LRTM1: variants seen among roughly 807,000 people sequenced by gnomAD.
LRTM1 encodes the protein leucine-rich repeat and transmembrane domain-containing protein 1.
LRTM1 carries 38 observed loss-of-function variants against 32.4 expected under a neutral mutation model. The observed-to-expected ratio is 1.17, with a 90% CI of 0.91 to 1.54. The LOEUF (loss-of-function observed/expected upper bound fraction) is 1.54. Ranked by LOEUF, LRTM1 falls within the 40% of genes most tolerant of loss-of-function variation. LRTM1 has a pLI of 0.00. For synonymous variants in LRTM1, 186 were observed against 169.9 expected, an observed-to-expected ratio of 1.09 and a Z score of -0.74; for missense variants, 466 against 415.4, an observed-to-expected ratio of 1.12 and a Z score of -1.06.
At chr3:54,928,394 G>A (rs528712896), upstream of LRTM1, among the ~76,000 whole-genome samples, 3 of 152,222 alleles carry the variant, frequency 2.0e-5, no homozygotes, top group East Asian at 3.9e-4. Flanking sequence ...TAACCATGCC[G>A]GGTCACCCCT....
At chr3:54,954,901 A>T (rs1701843878) in intron 1 of LRTM1, among the ~76,000 whole-genome samples, 1 of 152,172 alleles carries the variant, frequency 6.6e-6, no homozygotes, top group South Asian at 2.1e-4. Context: ...GGCGCCGATT[A>T]ACCTCCTTGT....
chr3:54,939,559 G>A (rs1415323372), intron 1 of LRTM1, among the ~76,000 whole-genome samples: 2 of 152,242 alleles, frequency 1.3e-5, no homozygotes, highest in South Asian at 4.1e-4. Context: ...TGTGGCCAGG[G>A]ATTGGGCAAA....
At chr3:54,942,244 A>T (rs1466968203) in intron 1 of LRTM1, among the ~76,000 whole-genome samples, 1 of 152,158 alleles carries the variant, frequency 6.6e-6, no homozygotes, top group Admixed American at 6.5e-5. Flanking sequence ...GTCCCTTGAA[A>T]GTCCCAGCAT....
intron 1 of LRTM1, among the ~76,000 whole-genome samples, chr3:54,941,048 G>C (rs752578056): frequency 1.3e-5 from 2 of 152,172 alleles, no homozygotes; most frequent in Non-Finnish European, 2.9e-5. Context: ...CTTTTCTCCA[G>C]TGATTAAAGC....
At position 54,918,618 on chromosome 3, in the gene LRTM1, G is replaced by T. The variant is rs1700736011; in HGVS notation, c.879C>A (p.Gly293=). 6.2e-7 allele frequency: 1 copy of T among 1,614,094 alleles called. No homozygotes were observed. Among genetic ancestry groups the T allele is most frequent in the Non-Finnish European group, 8.5e-7 (1 of 1,180,034 alleles). The part of the protein sequence containing the change: ...RHAIATVIIT[G]VVCGIVCLMM... ...TGAGACACACAATCCCACACACAACGCCAGTGATGATGACAGTGGCAATGG... is the reference window on the plus strand; with the variant it reads ...TGAGACACACAATCCCACACACAACTCCAGTGATGATGACAGTGGCAATGG... The change falls in exon 3 of 3, where the codon GGC becomes GGA. Residue 293 remains glycine, a synonymous_variant. Transcript: ENST00000273286.
rs2106940721 is a variant in LRTM1 at position 54,924,998 on chromosome 3, C to T, written c.225G>A (p.Trp75Ter). The T allele has an allele frequency of 6.2e-7, 1 of 1,614,002 alleles. No homozygotes were observed. The highest frequency in any genetic ancestry group is 2.2e-5 in the East Asian group (1 of 44,864). The change falls in exon 2 of 3, where the codon TGG becomes TGA. Residue 75 changes from tryptophan (W) to a stop codon, truncating the protein, a stop_gained. Coordinates refer to ENST00000273286, the MANE Select transcript of LRTM1 (RefSeq NM_020678.4). LOFTEE classifies it high-confidence loss of function. ...LPAFAFRSVP[W>*]LMTLNLSNNS... Reference sequence around the variant, plus strand: ...TGTTGGACAAGTTTAAGGTCATGAGCCATGGCACTGACCTAAATGCAAAAG... The same window carrying T: ...TGTTGGACAAGTTTAAGGTCATGAGTCATGGCACTGACCTAAATGCAAAAG...
rs546551508 is a variant in LRTM1, at chr3:54,923,306, G to T, written c.604+1313C>A. On this transcript the variant is annotated intron_variant, in intron 2 of 2. Coordinates refer to ENST00000273286, the MANE Select transcript of LRTM1 (RefSeq NM_020678.4). ...CTTCCTCTGCACTGGCCACTGTCTT[G>T]TCCCTCTTTTTGTCCTGCAGCCAAG... is the stretch of plus-strand genomic sequence containing the variant. 1.1e-4 allele frequency among the ~76,000 whole-genome samples: 17 copies of T among 152,136 alleles called. No homozygotes were observed. The East Asian group carries it at 3.1e-3, about 28-fold the overall frequency.
At chr3:54,957,167 T>C (rs199574509) in intron 1 of LRTM1, among the ~76,000 whole-genome samples, 1 of 2,350 alleles carries the variant, frequency 4.3e-4, no homozygotes, top group Admixed American at 5.6e-3. Flanking sequence ...AATAATTTTC[T>C]TTTTTTTTTT....
chr3:54,941,923 C>G (rs900710531), intron 1 of LRTM1, among the ~76,000 whole-genome samples: 4 of 152,218 alleles, frequency 2.6e-5, no homozygotes, highest in Non-Finnish European at 5.9e-5. Flanking sequence ...ATGGGATAAA[C>G]TTCAACCTCG....
rs200390121 is a variant in LRTM1, at chr3:54,918,580, G to A, written c.917C>T (p.Ala306Val). 34 of 1,614,002 alleles carry A rather than the reference G, an allele frequency of 2.1e-5. No individual in the cohort carries two copies. The highest frequency in any genetic ancestry group is 2.8e-5 in the Non-Finnish European group (33 of 1,180,008). ...CGIVCLMMLA[A>V]AIYGCTYAAI... ...CGCATAGGTGCAGCCATAGATGGCA[G>A]CTGCCAACATCATGAGACACACAAT... The change falls in exon 3 of 3, where the codon GCT becomes GTT. Residue 306 changes from alanine (A) to valine (V), a missense_variant. Physicochemically the swap from Ala to Val is moderately conservative, Grantham distance 64. Transcript: ENST00000273286.
chr3:54,939,896 A>T (rs1701423453), intron 1 of LRTM1, among the ~76,000 whole-genome samples: 1 of 152,234 alleles, frequency 6.6e-6, no homozygotes, highest in Admixed American at 6.5e-5. Context: ...CAGAGTCTGA[A>T]GATAGAGCAT....
intron 1 of LRTM1, among the ~76,000 whole-genome samples, chr3:54,953,227 C>A (rs574911120): frequency 6.6e-6 from 1 of 152,170 alleles, no homozygotes; most frequent in Admixed American, 6.5e-5. Flanking sequence ...GTGCATGACT[C>A]CTGTTCCCAT....
At chr3:54,924,147 G>A (rs1422576321) in intron 2 of LRTM1, among the ~76,000 whole-genome samples, 3 of 152,160 alleles carry the variant, frequency 2.0e-5, no homozygotes, top group African/African-American at 7.2e-5. Flanking sequence ...CAGTGACATT[G>A]GTGTTTGCTA....
chr3:54,933,808 C>T (rs1219999805), intron 1 of LRTM1, among the ~76,000 whole-genome samples: 1 of 150,558 alleles, frequency 6.6e-6, no homozygotes, highest in African/African-American at 2.5e-5. Context: ...ATCCAGGCCA[C>T]TGCAGGCTAG....
At chr3:54,919,120 T>A (rs2106925462) in intron 2 of LRTM1, among the ~76,000 whole-genome samples, 1 of 152,264 alleles carries the variant, frequency 6.6e-6, no homozygotes, top group South Asian at 2.1e-4. Context: ...TGACCAAGAA[T>A]TCATTAGAAG....
chr3:54,947,465 C>G (rs1196921323), intron 1 of LRTM1, among the ~76,000 whole-genome samples: 2 of 152,180 alleles, frequency 1.3e-5, no homozygotes, highest in African/African-American at 4.8e-5. Flanking sequence ...CAGGATAGGA[C>G]TTCTCAGGAG....
Position 54,957,282 on chromosome 3 carries a change from G to C in LRTM1, c.-222+9646C>G, listed in dbSNP as rs569656526. Among the ~76,000 whole-genome samples the C allele has an allele frequency of 9.0e-4, 136 of 151,866 alleles. 1 individual carries two copies. Among genetic ancestry groups the C allele is most frequent in the Non-Finnish European group, 1.5e-3 (105 of 67,976 alleles). ...TCAGGTGATCTTCCTACGGAACTTA[G>C]ACTATAGGTGTACGCCACTGCACTC... On this transcript the variant is annotated intron_variant, in intron 1 of 2. Transcript: ENST00000493075.
chr3:54,926,360 A>G (rs1701017108), intron 1 of LRTM1, among the ~76,000 whole-genome samples: 1 of 152,154 alleles, frequency 6.6e-6, no homozygotes, highest in South Asian at 2.1e-4. Flanking sequence ...AAGTTCACAC[A>G]GAGTATTATA....
intron 1 of LRTM1, among the ~76,000 whole-genome samples, chr3:54,933,066 TTCCTTCCTTCCTTCC>T (rs1701238646): frequency 1.2e-4 from 3 of 25,746 alleles, no homozygotes; most frequent in African/African-American, 1.9e-4. Flanking sequence ...CCTTCCTTCC[TTCCTTCCTTCCTTCC>T]TTCCTTCCTT....
Sources: gnomAD v4.1 joint callset for allele counts (sites outside exome capture counted in the v4.1 genomes callset) on GRCh38, gnomAD v4.1.1 for gene constraint, MANE v1.5 for transcripts, NCBI Gene and HGNC (gene_info 2026-07-23, HGNC 2026-07-21) for gene names.